NUCB2: variants seen among roughly 807,000 people sequenced by gnomAD.
NUCB2 encodes the protein nucleobindin-2.
In NUCB2, 48 loss-of-function variants were observed where a neutral mutation model predicts 57.9. That is an observed-to-expected ratio of 0.83 (90% CI 0.66 to 1.05). NUCB2 has a LOEUF of 1.05. Among genes scored for constraint, NUCB2 ranks in the 50% least tolerant of loss-of-function variants. NUCB2 has a pLI of 0.00. For missense variants in NUCB2, 442 were observed against 476.2 expected, an observed-to-expected ratio of 0.93 and a Z score of 0.67; for synonymous variants, 139 against 152.1, an observed-to-expected ratio of 0.91 and a Z score of 0.64.
chr11:17,344,210 C>T (rs1361042674), intron 2 of NUCB2, among the ~76,000 whole-genome samples: 1 of 152,074 alleles, frequency 6.6e-6, no homozygotes. Flanking sequence ...TTTTTTGTAT[C>T]CTCCTTAAAT....
At position 17,311,403 on chromosome 11, in the gene NUCB2, G is replaced by A. The variant is rs902262544; in HGVS notation, c.760+120G>A. The A allele has an allele frequency of 1.0e-5, 7 of 670,754 alleles. No homozygotes were observed. The Admixed American group carries it at 1.6e-4, about 15-fold the overall frequency. The allele number at this position is 670,754 out of a possible 1,614,324, so 41.6% of individuals were successfully genotyped here. On this transcript the variant is annotated intron_variant, in intron 8 of 13. Coordinates refer to ENST00000529010, the MANE Select transcript of NUCB2 (RefSeq NM_005013.4). ...GTTCTAGTGAGAGTAAATGGTTAGA[G>A]TTTTTCTAGGGTAATATGATAGTCT...
chr11:17,291,545 CAA>C (rs61660913), intron 2 of NUCB2, among the ~76,000 whole-genome samples: 4 of 52,212 alleles, frequency 7.7e-5, no homozygotes, highest in Non-Finnish European at 1.0e-4. Flanking sequence ...GACTCTGCAT[CAA>C]AAAAAAAAAA....
At chr11:17,320,804 T>C (rs1949924153) in intron 11 of NUCB2, among the ~76,000 whole-genome samples, 1 of 152,242 alleles carries the variant, frequency 6.6e-6, no homozygotes, top group African/African-American at 2.4e-5. Flanking sequence ...ACTATTTATT[T>C]ACTTCTGTTT....
chr11:17,287,775 G>A (rs1472470425), intron 2 of NUCB2, among the ~76,000 whole-genome samples: 4 of 151,994 alleles, frequency 2.6e-5, no homozygotes, highest in African/African-American at 9.7e-5. Flanking sequence ...CAAGTTGCAT[G>A]GATCACTTGA....
intron 2 of NUCB2, among the ~76,000 whole-genome samples, chr11:17,283,822 T>C (rs957240924): frequency 5.9e-5 from 9 of 152,346 alleles, no homozygotes; most frequent in African/African-American, 2.2e-4. Context: ...AAATTTATAT[T>C]GAAAGTAAAT....
intron 2 of NUCB2, among the ~76,000 whole-genome samples, chr11:17,337,850 G>A (rs1951939877): frequency 6.6e-6 from 1 of 151,992 alleles, no homozygotes; most frequent in Admixed American, 6.6e-5. Context: ...GGCTAATCTG[G>A]TCTCAAACTC....
chr11:17,310,727 C>A, intron 6 of NUCB2, 98 bp from the exon 7 acceptor site: 1 of 886,310 alleles, frequency 1.1e-6, no homozygotes, highest in Non-Finnish European at 1.7e-6. Context: ...CCCTCCCGTA[C>A]CACTTCTGTT....
chr11:17,348,773 G>T (rs992582369), intron 2 of NUCB2, among the ~76,000 whole-genome samples: 1 of 151,352 alleles, frequency 6.6e-6, no homozygotes, highest in African/African-American at 2.4e-5. Flanking sequence ...TAATAGAAAA[G>T]CTTTCCTTTC....
At chr11:17,305,159 A>T (rs1030803524) in intron 5 of NUCB2, among the ~76,000 whole-genome samples, 9 of 152,182 alleles carry the variant, frequency 5.9e-5, no homozygotes, top group African/African-American at 2.2e-4. Flanking sequence ...CCCTGTCTCT[A>T]CTAAAAATAC....
At chr11:17,317,755 T>C (rs762788035) in intron 11 of NUCB2, 18 of 191,748 alleles carry the variant, frequency 9.4e-5, no homozygotes, top group Middle Eastern at 4.8e-4. Context: ...ACCAGATTTT[T>C]TTATGTAACG....
chr11:17,294,141 G>C (rs1335735051), intron 2 of NUCB2, among the ~76,000 whole-genome samples: 1 of 152,160 alleles, frequency 6.6e-6, no homozygotes, highest in Non-Finnish European at 1.5e-5. Flanking sequence ...AGTAATTGTG[G>C]GGAAGAGGAG....
chr11:17,341,002 C>T (rs1388035816), intron 2 of NUCB2, among the ~76,000 whole-genome samples: 6 of 152,158 alleles, frequency 3.9e-5, no homozygotes, highest in Admixed American at 2.6e-4. Context: ...TTTCATTGAG[C>T]AGTGGTTTGT....
chr11:17,279,630 T>C (rs886382370), intron 1 of NUCB2, among the ~76,000 whole-genome samples: 11 of 152,206 alleles, frequency 7.2e-5, no homozygotes, highest in Non-Finnish European at 1.2e-4. Flanking sequence ...CCTCAGGTAA[T>C]TGAAACTGCA....
chr11:17,339,305 A>G (rs1432831130), intron 2 of NUCB2, among the ~76,000 whole-genome samples: 1 of 152,114 alleles, frequency 6.6e-6, no homozygotes, highest in African/African-American at 2.4e-5. Context: ...TTTTCAAATG[A>G]GTAATGATTT....
At position 17,310,939 on chromosome 11, in the gene NUCB2, A is replaced by G; in HGVS notation, c.598A>G (p.Arg200Gly). The G allele has an allele frequency of 6.3e-7, 1 of 1,593,814 alleles. No individual in the cohort carries two copies. The highest frequency in any genetic ancestry group is 2.2e-5 in the East Asian group (1 of 44,594). Residue 200 changes from arginine to glycine, a missense_variant, in exon 7 of 14, where the codon AGA (arginine) becomes GGA (glycine). Coordinates refer to ENST00000529010, the MANE Select transcript of NUCB2 (RefSeq NM_005013.4). ...EYLKTLNEEK[R>G]KEEESKFEEM... ...TTTAAAAACATTGAATGAAGAAAAG[A>G]GAAAAGAAGAAGAGTCTAAATTTGA...
chr11:17,348,242 C>T (rs1199090346), intron 2 of NUCB2, among the ~76,000 whole-genome samples: 1 of 150,188 alleles, frequency 6.7e-6, no homozygotes, highest in East Asian at 2.0e-4. Context: ...CCAGGTTGGA[C>T]ACTTTTAAAG....
Position 17,331,393 on chromosome 11 carries a change from T to C in NUCB2, c.1256-19T>C. ...GGAAGATACTTTTAAAATAAGAACTTTTTTCTTTTTTCCAACAGACATTTA... is the reference window on the plus strand; with the variant it reads ...GGAAGATACTTTTAAAATAAGAACTCTTTTCTTTTTTCCAACAGACATTTA... On this transcript the variant is annotated intron_variant, in intron 13 of 13. Coordinates refer to ENST00000529010, the MANE Select transcript of NUCB2 (RefSeq NM_005013.4). 1.4e-6 allele frequency: 2 copies of C among 1,414,342 alleles called. No individual in the cohort carries two copies. Among genetic ancestry groups the C allele is most frequent in the Non-Finnish European group, 1.9e-6 (2 of 1,066,060 alleles). 87.6% of individuals were successfully genotyped at this position (1,414,342 alleles called of 1,614,324 possible). A position where few individuals can be genotyped will look rare whatever the true frequency, so the allele number is the denominator to read the frequency against.
intron 5 of NUCB2, 71 bp from the exon 6 acceptor site, chr11:17,309,501 T>C (rs1353277816): frequency 3.9e-5 from 34 of 872,724 alleles, no homozygotes; most frequent in Admixed American, 1.3e-4. Context: ...TGAAATCTTT[T>C]TCTTGTGTAT....
chr11:17,325,044 C>A (rs1049168878), intron 11 of NUCB2, among the ~76,000 whole-genome samples: 2 of 152,102 alleles, frequency 1.3e-5, no homozygotes, highest in Non-Finnish European at 2.9e-5. Flanking sequence ...TTCAAGTTAT[C>A]CACCCACTTC....
Sources: allele counts gnomAD v4.1 joint callset (sites outside exome capture counted in the v4.1 genomes callset), GRCh38; gene constraint gnomAD v4.1.1; transcripts MANE v1.5; gene names NCBI Gene and HGNC (gene_info 2026-07-23, HGNC 2026-07-21).